The following CFAP53 variants were observed in gnomAD, a reference collection of about 807,000 sequenced individuals.
The protein encoded by CFAP53 is cilia and flagella associated protein 53, also known as cilia- and flagella-associated protein 53.
CFAP53 carries 62 observed loss-of-function variants against 59.7 expected under a neutral mutation model. That is an observed-to-expected ratio of 1.04 (90% CI 0.85 to 1.28). The LOEUF is 1.28. Among genes scored for constraint, CFAP53 ranks in the 50% most tolerant of loss-of-function variants. The pLI is 0.00. For synonymous variants in CFAP53, 218 were observed against 205.7 expected (o/e 1.06, Z -0.51); for missense variants, 629 against 615.6 (o/e 1.02, Z -0.23).
chr18:50,231,679 CA>C (rs1312539684), intron 7 of CFAP53, among the ~76,000 whole-genome samples: 1 of 152,190 alleles, frequency 6.6e-6, no homozygotes, highest in African/African-American at 2.4e-5. Context: ...GCCTGAAGGC[CA>C]AATAGCCACC....
intron 7 of CFAP53, among the ~76,000 whole-genome samples, chr18:50,233,940 C>T (rs1046874115): frequency 3.3e-5 from 5 of 152,166 alleles, no homozygotes; most frequent in East Asian, 1.9e-4. Context: ...TCCACTGTGA[C>T]GGAGCAGATT....
At chr18:50,256,219 T>C (rs940674449) in intron 3 of CFAP53, 1 of 152,222 alleles carries the variant, frequency 6.6e-6, no homozygotes, top group Non-Finnish European at 1.5e-5. Flanking sequence ...ATAAATTTAC[T>C]AGGGAGTAGA....
chr18:50,243,153 T>G (rs761935788), intron 5 of CFAP53, 37 bp from the exon 6 acceptor site: 2 of 1,498,630 alleles, frequency 1.3e-6, no homozygotes, highest in Admixed American at 3.4e-5. Context: ...TAAAATTTTT[T>G]GGTGTGATAC....
chr18:50,265,165 C>T (rs898989581), intron 1 of CFAP53, among the ~76,000 whole-genome samples: 1 of 152,134 alleles, frequency 6.6e-6, no homozygotes, highest in African/African-American at 2.4e-5. Flanking sequence ...ACAAGTTGAG[C>T]ACCCCTAATT....
intron 3 of CFAP53, among the ~76,000 whole-genome samples, chr18:50,253,176 C>T (rs1309791146): frequency 6.6e-6 from 1 of 152,160 alleles, no homozygotes; most frequent in African/African-American, 2.4e-5. Flanking sequence ...ACCACCACGC[C>T]TGGAGAATTT....
chr18:50,262,186 G>T lies in CFAP53; in HGVS notation c.103C>A (p.His35Asn), dbSNP rs2033900384. ...SKPPKGQGAE[H>N]HLERIRRSHQ... ...CTGCGTCGGATTCTTTCTAGATGGTGCTCAGCTCCTTGGCCTTTAGGAGGC... is the reference window on the plus strand; with the variant it reads ...CTGCGTCGGATTCTTTCTAGATGGTTCTCAGCTCCTTGGCCTTTAGGAGGC... The change falls in exon 2 of 8, where the codon CAC (histidine) becomes AAC (asparagine). Residue 35 changes from histidine (H) to asparagine (N), a missense_variant. Physicochemically the swap from His to Asn is moderately conservative, Grantham distance 68 (BLOSUM62 1). Transcript: ENST00000398545. The T allele has an allele frequency of 6.2e-7, 1 of 1,614,014 alleles. No individual in the cohort carries two copies. The highest frequency in any genetic ancestry group is 1.3e-5 in the African/African-American group (1 of 74,932).
chr18:50,265,980 T>C (rs995825963), intron 1 of CFAP53, among the ~76,000 whole-genome samples: 1 of 152,178 alleles, frequency 6.6e-6, no homozygotes, highest in African/African-American at 2.4e-5. Context: ...CCGGGTGCCC[T>C]TTCCATAACA....
Position 50,227,387 on chromosome 18 carries a change from T to A in CFAP53, c.1539A>T (p.Pro513=). The A allele has an allele frequency of 6.2e-7, 1 of 1,611,706 alleles. No individual in the cohort carries two copies. Among genetic ancestry groups the A allele is most frequent in the East Asian group, 2.2e-5 (1 of 44,806 alleles). The change falls in exon 8 of 8, where the codon CCA becomes CCT. Residue 513 remains proline (P), a synonymous_variant. Coordinates refer to ENST00000398545, the MANE Select transcript of CFAP53 (RefSeq NM_145020.5). ...TATATTGATGCTCACGGAACTACGG[T>A]GGAAGCTTACTGGGGCATGCCTTGC... The part of the protein sequence containing the change: ...PMRKACPSKL[P]P
Position 50,251,544 on chromosome 18 carries a change from G to A in CFAP53, c.714C>T (p.Ile238=), listed in dbSNP as rs2033800019. The A allele has an allele frequency of 3.7e-6, 6 of 1,614,168 alleles. No individual in the cohort carries two copies. The highest frequency in any genetic ancestry group is 3.3e-4 in the Middle Eastern group (2 of 6,062). ...CCTGCCTTTGTGCCTTGATGCTGGT[G>A]ATCTGGGCATTCAGCCCCAGGCGTG... ...ENTRLGLNAQ[I]TSIKAQRQAT... is the part of the protein sequence containing the mutation. Residue 238 remains isoleucine, a synonymous_variant, in exon 4 of 8, where the codon ATC becomes ATT. Coordinates refer to ENST00000398545, the MANE Select transcript of CFAP53 (RefSeq NM_145020.5).
intron 7 of CFAP53, among the ~76,000 whole-genome samples, chr18:50,234,494 A>AT (rs2033612165): frequency 6.6e-6 from 1 of 152,062 alleles, no homozygotes; most frequent in Non-Finnish European, 1.5e-5. Flanking sequence ...GGACCATGGG[A>AT]TCCCTCTATT....
intron 3 of CFAP53, among the ~76,000 whole-genome samples, chr18:50,259,982 CTATT>C (rs1416396263): frequency 6.6e-6 from 1 of 152,118 alleles, no homozygotes; most frequent in Non-Finnish European, 1.5e-5. Context: ...GGGAGGGAGA[CTATT>C]TAGTATATTT....
intron 3 of CFAP53, among the ~76,000 whole-genome samples, chr18:50,253,293 G>A (rs2033818767): frequency 6.6e-6 from 1 of 152,220 alleles, no homozygotes. Flanking sequence ...TGGGATTACA[G>A]GCGTGAGCCA....
chr18:50,245,153 C>T (rs1357709407), intron 5 of CFAP53, among the ~76,000 whole-genome samples: 5 of 150,202 alleles, frequency 3.3e-5, no homozygotes, highest in Non-Finnish European at 5.9e-5. Context: ...GAGGCCGAGG[C>T]GGGTGGATCA....
chr18:50,241,000 T>C (rs1165693168), intron 6 of CFAP53, among the ~76,000 whole-genome samples: 1 of 152,170 alleles, frequency 6.6e-6, no homozygotes, highest in African/African-American at 2.4e-5. Context: ...CATACTGTAG[T>C]ATAATAATAA....
chr18:50,250,964 CGTT>C lies in CFAP53; in HGVS notation c.787_789del (p.Asn263del), dbSNP rs748668396. 16 of 1,613,642 alleles carry C rather than the reference CGTT, an allele frequency of 9.9e-6. No homozygotes were observed. The East Asian group carries it at 2.2e-4, about 22-fold the overall frequency. ...TGTTCATTCTCATGTTTAATCTGTG[CGTT>C]GTTACTTTCCTAAGGTAGAATCATA... is the stretch of plus-strand genomic sequence containing the variant. On this transcript the variant is annotated inframe_deletion, in exon 5 of 8. Transcript: ENST00000398545.
intron 5 of CFAP53, among the ~76,000 whole-genome samples, chr18:50,244,299 G>A (rs1354242608): frequency 6.6e-6 from 1 of 152,152 alleles, no homozygotes; most frequent in Non-Finnish European, 1.5e-5. Flanking sequence ...CCCCCATGCT[G>A]TTCTCATGAT....
At chr18:50,246,514 C>A (rs1233465347) in intron 5 of CFAP53, among the ~76,000 whole-genome samples, 1 of 152,148 alleles carries the variant, frequency 6.6e-6, no homozygotes, top group African/African-American at 2.4e-5. Flanking sequence ...AAAATTATAA[C>A]ACTCTAACAA....
rs370575885 is a variant in CFAP53, at chr18:50,227,677, C to A, written c.1317-68G>T. The A allele has an allele frequency of 6.8e-5, 79 of 1,163,752 alleles. No individual in the cohort carries two copies. The East Asian group carries it at 1.3e-3, about 19-fold the overall frequency. 72.1% of individuals were successfully genotyped at this position (1,163,752 alleles called of 1,614,324 possible). A position where few individuals can be genotyped will look rare whatever the true frequency, so the allele number is the denominator to read the frequency against. ...GCATTTAGATTTATTCAGAGCATTA[C>A]AATTAAAATATAATTTGTAAAGTCA... On this transcript the variant is annotated intron_variant, in intron 7 of 7. Coordinates refer to ENST00000398545, the MANE Select transcript of CFAP53 (RefSeq NM_145020.5).
At chr18:50,242,660 A>G (rs368494682) in intron 6 of CFAP53, among the ~76,000 whole-genome samples, 38 of 152,318 alleles carry the variant, frequency 2.5e-4, no homozygotes, top group Middle Eastern at 3.4e-3. Context: ...GACATACAGT[A>G]TTCAAATGAT....
Sources: allele counts gnomAD v4.1 joint callset (sites outside exome capture counted in the v4.1 genomes callset), GRCh38; gene constraint gnomAD v4.1.1; transcripts MANE v1.5; gene names NCBI Gene and HGNC (gene_info 2026-07-23, HGNC 2026-07-21).